Variants in SRBD1 observed in about 807,000 individuals in gnomAD.
SRBD1 encodes S1 RNA-binding domain-containing protein 1.
Under a neutral mutation model 115.3 loss-of-function variants are expected in SRBD1, and 88 were observed. The observed-to-expected ratio is 0.76, with a 90% CI of 0.64 to 0.91. The LOEUF (loss-of-function observed/expected upper bound fraction) is 0.91. Ranked by LOEUF, SRBD1 falls within the 40% of genes least tolerant of loss-of-function variation. The pLI is 0.00. For missense variants in SRBD1, 1,385 were observed against 1,177.4 expected (o/e 1.18, Z -2.58); for synonymous variants, 509 against 407.7 (o/e 1.25, Z -2.99).
rs763688689 is a variant in SRBD1 at position 45,562,720 on chromosome 2, G to A, written c.1342C>T (p.Leu448=). ...TCAGAAATATTGACCTTAACCGTCA[G>A]TACCTTCAAATTTTCTCCACGGTTA... ...AINRGENLKV[L]TVKVNISDGV... is the part of the protein sequence containing the mutation. Residue 448 remains leucine (L), a synonymous_variant, in exon 10 of 21, where the codon CTG becomes TTG. Coordinates refer to ENST00000263736, the MANE Select transcript of SRBD1 (RefSeq NM_018079.5). The A allele has an allele frequency of 1.9e-6, 3 of 1,611,848 alleles. No homozygotes were observed. Among genetic ancestry groups the A allele is most frequent in the East Asian group, 4.5e-5 (2 of 44,762 alleles).
At chr2:45,587,125 A>G (rs1673568601) in intron 4 of SRBD1, among the ~76,000 whole-genome samples, 1 of 130,884 alleles carries the variant, frequency 7.6e-6, no homozygotes, top group African/African-American at 3.4e-5. Flanking sequence ...ATAATTATTA[A>G]AATATTTAAA....
In SRBD1 at chr2:45,469,641, T is replaced by G. The variant is rs1572675270; in HGVS notation, c.2049+7352A>C. Among the ~76,000 whole-genome samples, 2 of 152,082 alleles carry G rather than the reference T, an allele frequency of 1.3e-5. 1 individual carries two copies. The highest frequency in any genetic ancestry group is 3.9e-4 in the East Asian group (2 of 5,188). On this transcript the variant is annotated intron_variant, in intron 16 of 20. Transcript: ENST00000263736. The stretch of plus-strand genomic sequence containing the variant: ...ATTTCAACATAGGAAGCATAATTCA[T>G]CCTGAAGGGAAAAATACCCAGAAAA...
chr2:45,552,312 T>G (rs1572766732), intron 11 of SRBD1, among the ~76,000 whole-genome samples: 1 of 152,202 alleles, frequency 6.6e-6, no homozygotes, highest in Non-Finnish European at 1.5e-5. Flanking sequence ...GCAAACTAAC[T>G]TATAAACTGA....
chr2:45,412,496 T>A (rs1667632740), intron 19 of SRBD1, among the ~76,000 whole-genome samples: 1 of 152,168 alleles, frequency 6.6e-6, no homozygotes, highest in Non-Finnish European at 1.5e-5. Context: ...ACTATATTTG[T>A]TACACTGTCA....
chr2:45,422,355 A>G (rs1668030987), intron 16 of SRBD1, among the ~76,000 whole-genome samples: 1 of 152,192 alleles, frequency 6.6e-6, no homozygotes, highest in Admixed American at 6.5e-5. Flanking sequence ...CTGCAAGGCC[A>G]TATGCTTTGG....
chr2:45,485,528 T>A (rs533899925), intron 15 of SRBD1, among the ~76,000 whole-genome samples: 6 of 152,326 alleles, frequency 3.9e-5, no homozygotes, highest in Middle Eastern at 6.8e-3. Flanking sequence ...CAGTTTAATA[T>A]CATCCATCTA....
At chr2:45,528,880 A>G (rs1028421428) in intron 14 of SRBD1, among the ~76,000 whole-genome samples, 3 of 151,916 alleles carry the variant, frequency 2.0e-5, no homozygotes, top group African/African-American at 7.2e-5. Flanking sequence ...AGGAATCTAG[A>G]TAAGCTACAG....
chr2:45,594,399 C>T (rs1217329084), intron 4 of SRBD1, among the ~76,000 whole-genome samples: 1 of 152,184 alleles, frequency 6.6e-6, no homozygotes, highest in Non-Finnish European at 1.5e-5. Context: ...CCGAAAGAAA[C>T]TGGACAACAA....
At chr2:45,535,539 A>C (rs1219454828) in intron 14 of SRBD1, among the ~76,000 whole-genome samples, 5 of 151,948 alleles carry the variant, frequency 3.3e-5, no homozygotes, top group African/African-American at 1.2e-4. Context: ...GTTCATCTCC[A>C]AGCTTCCACA....
chr2:45,445,728 G>C (rs1179732957), intron 16 of SRBD1, among the ~76,000 whole-genome samples: 1 of 152,016 alleles, frequency 6.6e-6, no homozygotes, highest in Non-Finnish European at 1.5e-5. Flanking sequence ...CTATTACTAA[G>C]AGTCATATAT....
rs149952243 is a variant in SRBD1, at chr2:45,599,784, A to G, written c.313T>C (p.Leu105=). Residue 105 remains leucine, a synonymous_variant, in exon 4 of 21, where the codon TTG becomes CTG. Coordinates refer to ENST00000263736, the MANE Select transcript of SRBD1 (RefSeq NM_018079.5). ...DTALEDRKNK[L]DTVQTLKTAK... ...GTTTTCAGAGTCTGTACAGTATCCA[A>G]TTTATTTTTTCTGTCTTCTAAAGCA... is the stretch of plus-strand genomic sequence containing the variant. 2.4e-4 allele frequency: 387 copies of G among 1,614,018 alleles called. 1 individual carries two copies. In the African/African-American group the frequency reaches 5.0e-3, roughly 21 times the overall value.
intron 16 of SRBD1, among the ~76,000 whole-genome samples, chr2:45,465,000 TACACACACACAC>T (rs58288876): frequency 0.11 from 13,021 of 120,230 alleles, 786 homozygotes; most frequent in African/African-American, 0.19. Flanking sequence ...GTTGAGATTG[TACACACACACAC>T]ACACACACAC....
chr2:45,579,536 T>C (rs1488507929), intron 7 of SRBD1, among the ~76,000 whole-genome samples: 3 of 152,028 alleles, frequency 2.0e-5, no homozygotes, highest in Non-Finnish European at 4.4e-5. Flanking sequence ...CTAATACCTA[T>C]TTATCAAGGG....
intron 14 of SRBD1, among the ~76,000 whole-genome samples, chr2:45,492,651 C>T (rs1010319636): frequency 1.7e-4 from 26 of 152,068 alleles, no homozygotes; most frequent in Admixed American, 4.6e-4. Context: ...ATGTTAGCCA[C>T]GATGGTCTCG....
At chr2:45,503,430 C>T (rs903513432) in intron 14 of SRBD1, among the ~76,000 whole-genome samples, 1 of 152,096 alleles carries the variant, frequency 6.6e-6, no homozygotes, top group African/African-American at 2.4e-5. Flanking sequence ...AACATGTCTA[C>T]TTTACAAATT....
At chr2:45,391,287 C>T (rs888697122) in intron 20 of SRBD1, among the ~76,000 whole-genome samples, 2 of 152,150 alleles carry the variant, frequency 1.3e-5, no homozygotes, top group Non-Finnish European at 1.5e-5. Context: ...TGTGTCTGGA[C>T]TGCTTCTAAT....
chr2:45,505,837 A>T (rs1449672604), intron 14 of SRBD1, among the ~76,000 whole-genome samples: 8 of 152,170 alleles, frequency 5.3e-5, no homozygotes, highest in African/African-American at 1.9e-4. Context: ...GAAAAACCTG[A>T]TCTCTGGACT....
chr2:45,437,836 A>C (rs1668545739), intron 16 of SRBD1, among the ~76,000 whole-genome samples: 1 of 152,238 alleles, frequency 6.6e-6, no homozygotes, highest in Admixed American at 6.5e-5. Context: ...AAATCTAACT[A>C]AACTTGGATA....
intron 16 of SRBD1, among the ~76,000 whole-genome samples, chr2:45,443,105 G>C (rs1299242238): frequency 2.0e-5 from 3 of 152,148 alleles, no homozygotes; most frequent in African/African-American, 4.8e-5. Context: ...TTATTCCAGA[G>C]ACAACGGGAA....
Sources: gnomAD v4.1 joint callset for allele counts (sites outside exome capture counted in the v4.1 genomes callset) on GRCh38, gnomAD v4.1.1 for gene constraint, MANE v1.5 for transcripts, NCBI Gene and HGNC (gene_info 2026-07-23, HGNC 2026-07-21) for gene names.